DLG5: variants seen among roughly 807,000 people sequenced by gnomAD.
DLG5 encodes the protein disks large homolog 5.
Under a neutral mutation model 189.8 loss-of-function variants are expected in DLG5, and 48 were observed. The ratio of observed to expected loss-of-function variants is 0.25; its 90% confidence interval spans 0.20 to 0.32. The LOEUF (loss-of-function observed/expected upper bound fraction) is 0.32. Among genes scored for constraint, DLG5 ranks in the 10% least tolerant of loss-of-function variants. The pLI, the probability that DLG5 is intolerant of heterozygous loss-of-function variation, is 1.00. For missense variants in DLG5, 2,160 were observed against 2,544.7 expected (o/e 0.85, Z 3.25); for synonymous variants, 1,016 against 1,054.1 (o/e 0.96, Z 0.70).
intron 30 of DLG5, 52 bp downstream of exon 30, chr10:77,794,797 C>A: frequency 2.0e-6 from 3 of 1,514,976 alleles, no homozygotes; most frequent in Non-Finnish European, 2.7e-6. Flanking sequence ...CTTGGGCTCC[C>A]AGCCCCACCT....
At chr10:77,839,790 C>T (rs1008043294) in intron 7 of DLG5, among the ~76,000 whole-genome samples, 2 of 152,052 alleles carry the variant, frequency 1.3e-5, no homozygotes, top group Non-Finnish European at 2.9e-5. Flanking sequence ...TTCTAATAAG[C>T]TTTTCAAAAA....
At position 77,816,990 on chromosome 10, in the gene DLG5, TGTCGAGAA is replaced by T; in HGVS notation, c.3874+9_3874+16del. 6.2e-7 allele frequency: 1 copy of T among 1,611,710 alleles called. No individual in the cohort carries two copies. Among genetic ancestry groups the T allele is most frequent in the Non-Finnish European group, 8.5e-7 (1 of 1,178,298 alleles). ...GCAGGAAAAGCAGGAGAGATGGGAA[TGTCGAGAA>T]GTCCTTACCTCTCTCGGAGCCCACG... On this transcript the variant is annotated intron_variant, in intron 19 of 31. Coordinates refer to ENST00000372391, the MANE Select transcript of DLG5 (RefSeq NM_004747.4).
chr10:77,837,428 G>C (rs970726009), intron 7 of DLG5, among the ~76,000 whole-genome samples: 1 of 152,082 alleles, frequency 6.6e-6, no homozygotes. Flanking sequence ...CAGACAGGAC[G>C]ACAGGCAGCG....
At chr10:77,887,986 A>G (rs543045111) in intron 1 of DLG5, among the ~76,000 whole-genome samples, 20 of 152,300 alleles carry the variant, frequency 1.3e-4, no homozygotes, top group African/African-American at 4.8e-4. Flanking sequence ...GCAGCCCAAC[A>G]AAGCAGCAAT....
At chr10:77,833,778 G>A (rs1237890157) in intron 9 of DLG5, 136 bp downstream of exon 9, 1 of 1,273,274 alleles carries the variant, frequency 7.9e-7, no homozygotes, top group South Asian at 1.4e-5. Flanking sequence ...AGAGTGAAGT[G>A]AAGGGACAAA....
chr10:77,830,894 G>A (rs761599352), intron 9 of DLG5, 21 bp from the exon 10 acceptor site: 204 of 1,612,916 alleles, frequency 1.3e-4, no homozygotes, highest in Middle Eastern at 9.9e-4. Flanking sequence ...AGAGAGCCAC[G>A]GTGACAGCCC....
At chr10:77,862,327 G>A (rs1431672640) in intron 2 of DLG5, among the ~76,000 whole-genome samples, 3 of 152,120 alleles carry the variant, frequency 2.0e-5, no homozygotes, top group African/African-American at 2.4e-5. Context: ...AACCCCTAAG[G>A]GCCACAGGGA....
At chr10:77,889,625 C>T (rs561409396) in intron 1 of DLG5, 1 of 152,348 alleles carries the variant, frequency 6.6e-6, no homozygotes, top group East Asian at 1.9e-4. Flanking sequence ...AGCAGGTCAC[C>T]TGCTAGGCTG....
intron 6 of DLG5, among the ~76,000 whole-genome samples, chr10:77,842,643 G>A (rs1843480550): frequency 6.6e-6 from 1 of 152,190 alleles, no homozygotes; most frequent in African/African-American, 2.4e-5. Context: ...TCCAGGCCGG[G>A]GGACATCTTC....
chr10:77,915,606 C>T (rs1846336105), intron 1 of DLG5, among the ~76,000 whole-genome samples: 1 of 152,192 alleles, frequency 6.6e-6, no homozygotes, highest in South Asian at 2.1e-4. Context: ...CAGAAAAGAA[C>T]CTAGCACTGC....
intron 1 of DLG5, among the ~76,000 whole-genome samples, chr10:77,905,390 T>C (rs939005488): frequency 9.2e-5 from 14 of 152,226 alleles, no homozygotes; most frequent in African/African-American, 2.7e-4. Flanking sequence ...TTTTCCACTA[T>C]GGCCAAGATG....
At chr10:77,900,486 C>G (rs1468510446) in intron 1 of DLG5, among the ~76,000 whole-genome samples, 3 of 152,174 alleles carry the variant, frequency 2.0e-5, no homozygotes, top group Non-Finnish European at 4.4e-5. Context: ...CACCCCGGGG[C>G]CCCCTTCCAT....
chr10:77,871,851 A>T (rs1844914741), intron 1 of DLG5, among the ~76,000 whole-genome samples: 1 of 151,930 alleles, frequency 6.6e-6, no homozygotes, highest in Non-Finnish European at 1.5e-5. Context: ...CCTGCATCAC[A>T]TGTTTTTTTA....
Position 77,843,449 on chromosome 10 carries a change from C to A in DLG5, c.1122G>T (p.Arg374Ser), listed in dbSNP as rs1412371615. Residue 374 changes from arginine (R) to serine (S), a missense_variant and splice_region_variant, in exon 6 of 32, where the codon AGG (arginine) becomes AGT (serine). Physicochemically the swap from Arg to Ser is moderately radical, Grantham distance 110. This residue lies in a region of DLG5 where 664 missense variants were observed against 838.5 expected (regional missense o/e 0.79). Transcript: ENST00000372391. Reference protein sequence around the residue: ...QLQHQCALSLRRFEAIHHELN... With the variant: ...QLQHQCALSLSRFEAIHHELN... ...GCCCCCGATGGCCCTAGCCCTACCT[C>A]CTCAGGGAGAGGGCGCACTGGTGCT... is the stretch of plus-strand genomic sequence containing the variant. The A allele has an allele frequency of 3.7e-6, 6 of 1,613,612 alleles. No homozygotes were observed. The highest frequency in any genetic ancestry group is 5.1e-6 in the Non-Finnish European group (6 of 1,180,036).
chr10:77,866,985 A>G, intron 2 of DLG5: 1 of 457,302 alleles, frequency 2.2e-6, no homozygotes, highest in Non-Finnish European at 4.4e-6. Flanking sequence ...CCAGACACAG[A>G]CAGTACAGAC....
rs2154574816 is a variant in DLG5 at position 77,796,550 on chromosome 10, T to C, written c.5209A>G (p.Thr1737Ala). The C allele has an allele frequency of 6.2e-7, 1 of 1,614,094 alleles. No homozygotes were observed. Among genetic ancestry groups the C allele is most frequent in the Non-Finnish European group, 8.5e-7 (1 of 1,180,016 alleles). ...AGAATCAGGACAGGCCTCAGAGCGG[T>C]GCAGTCCACCTTCTGGACCCGCTGA... ...AYQRVQKVDC[T>A]ALRPVLILGP... Residue 1737 changes from threonine to alanine, a missense_variant, in exon 28 of 32, where the codon ACC becomes GCC. Physicochemically the swap from Thr to Ala is moderately conservative, Grantham distance 58. Transcript: ENST00000372391. The surrounding 1 kb of genome is among the most constrained non-coding windows in gnomAD (Gnocchi z 5.2).
chr10:77,901,630 G>T (rs1360960161), intron 1 of DLG5, among the ~76,000 whole-genome samples: 1 of 152,198 alleles, frequency 6.6e-6, no homozygotes, highest in Non-Finnish European at 1.5e-5. Flanking sequence ...GCAGACAATG[G>T]CTGGGAAGCC....
intron 10 of DLG5, 54 bp downstream of exon 10, chr10:77,830,687 G>A (rs978390247): frequency 1.3e-5 from 20 of 1,598,788 alleles, no homozygotes; most frequent in East Asian, 9.0e-5. Flanking sequence ...GCGGGTCACC[G>A]TCTCCTCCTT....
chr10:77,822,368 G>A (rs1190293721), intron 14 of DLG5, among the ~76,000 whole-genome samples: 7 of 152,178 alleles, frequency 4.6e-5, no homozygotes, highest in Non-Finnish European at 7.3e-5. Context: ...TATCTGGGCC[G>A]GGCACAGTGG....
Sources: gnomAD v4.1 joint callset for allele counts (sites outside exome capture counted in the v4.1 genomes callset) on GRCh38, gnomAD v4.1.1 for gene constraint, gnomAD v4.1.1 regional missense constraint, Gnocchi (gnomAD v3.1) non-coding constraint, MANE v1.5 for transcripts, NCBI Gene and HGNC (gene_info 2026-07-23, HGNC 2026-07-21) for gene names.